Variants in TLN2 observed in about 807,000 individuals in gnomAD.
TLN2 encodes the protein talin-2.
A neutral mutation model predicts 294.7 loss-of-function variants in TLN2; 118 were observed. The ratio of observed to expected loss-of-function variants is 0.40; its 90% CI spans 0.34 to 0.47. The LOEUF is 0.47. Among genes scored for constraint, TLN2 ranks in the 20% least tolerant of loss-of-function variants. TLN2 has a pLI of 0.84. For missense variants in TLN2, 3,083 were observed against 3,282.2 expected (o/e 0.94, Z 1.48); for synonymous variants, 1,431 against 1,304.5 (o/e 1.10, Z -2.09).
chr15:62,625,290 A>T (rs1004387249), intron 3 of TLN2, among the ~76,000 whole-genome samples: 1 of 152,116 alleles, frequency 6.6e-6, no homozygotes, highest in Non-Finnish European at 1.5e-5. Flanking sequence ...CTTGGCCAAG[A>T]TGGAGTCATC....
chr15:62,620,298 G>A (rs2048683156), intron 3 of TLN2, among the ~76,000 whole-genome samples: 1 of 151,916 alleles, frequency 6.6e-6, no homozygotes, highest in African/African-American at 2.4e-5. Flanking sequence ...TCCTGTGTCT[G>A]GTGCACCTTT....
chr15:62,483,929 A>G (rs2038241576), intron 1 of TLN2, among the ~76,000 whole-genome samples: 1 of 152,234 alleles, frequency 6.6e-6, no homozygotes, highest in South Asian at 2.1e-4. Context: ...GCCTCCCAGC[A>G]GATAAAAGGG....
intron 1 of TLN2, among the ~76,000 whole-genome samples, chr15:62,433,846 A>G (rs2035147925): frequency 6.6e-6 from 1 of 151,436 alleles, no homozygotes; most frequent in African/African-American, 2.4e-5. Flanking sequence ...AAAATTAGCC[A>G]GGAGTGATGG....
At chr15:62,776,650 C>A (rs946603311) in intron 42 of TLN2, 114 bp from the exon 43 acceptor site, 2 of 1,011,112 alleles carry the variant, frequency 2.0e-6, no homozygotes, top group African/African-American at 1.7e-5. Flanking sequence ...TAGAATAGAT[C>A]GCTGTGCTCC....
At chr15:62,740,243 A>G (rs1435071205) in intron 31 of TLN2, among the ~76,000 whole-genome samples, 1 of 152,120 alleles carries the variant, frequency 6.6e-6, no homozygotes, top group Non-Finnish European at 1.5e-5. Context: ...CCAGGCCGAG[A>G]TGTACAGCTC....
intron 1 of TLN2, among the ~76,000 whole-genome samples, chr15:62,409,995 G>A (rs747553776): frequency 3.3e-5 from 5 of 152,326 alleles, no homozygotes; most frequent in African/African-American, 7.2e-5. Context: ...TGTGATCCCA[G>A]TACTTTGGGA....
At chr15:62,823,986 A>G (rs755866868) in intron 54 of TLN2, 2 of 531,288 alleles carry the variant, frequency 3.8e-6, no homozygotes, top group South Asian at 1.4e-5. Flanking sequence ...TGTTTGATAT[A>G]TTAGGTTGTT....
intron 1 of TLN2, among the ~76,000 whole-genome samples, chr15:62,532,612 C>CT (rs1005548587): frequency 3.9e-5 from 6 of 152,084 alleles, no homozygotes; most frequent in Non-Finnish European, 5.9e-5. Context: ...AGACCTTAAC[C>CT]TTTTTTTAGA....
At chr15:62,717,539 A>C (rs917111514) in intron 23 of TLN2, 37 bp from the exon 24 acceptor site, 4 of 1,416,370 alleles carry the variant, frequency 2.8e-6, no homozygotes, top group African/African-American at 2.8e-5. Context: ...TGTATATTGC[A>C]TATGCAGATC....
chr15:62,455,650 C>A (rs2036434040), intron 1 of TLN2, among the ~76,000 whole-genome samples: 1 of 152,204 alleles, frequency 6.6e-6, no homozygotes, highest in East Asian at 1.9e-4. Flanking sequence ...CTTTGGTGGC[C>A]AAATCTCACA....
intron 1 of TLN2, among the ~76,000 whole-genome samples, chr15:62,509,157 T>C (rs1043113300): frequency 1.3e-5 from 2 of 152,246 alleles, no homozygotes; most frequent in African/African-American, 4.8e-5. Context: ...ACCATTACCC[T>C]ATGCTTCCTG....
At chr15:62,491,963 G>C (rs1180520466) in intron 1 of TLN2, among the ~76,000 whole-genome samples, 1 of 152,122 alleles carries the variant, frequency 6.6e-6, no homozygotes, top group African/African-American at 2.4e-5. Context: ...TTGCGGCAGG[G>C]AGCAGGGAGT....
intron 1 of TLN2, among the ~76,000 whole-genome samples, chr15:62,582,195 T>TACACACACACAC (rs67748452): frequency 0.034 from 2,285 of 66,392 alleles, 151 homozygotes; most frequent in East Asian, 0.039. Flanking sequence ...TGTGTATGCA[T>TACACACACACAC]ACACACACAC....
intron 1 of TLN2, among the ~76,000 whole-genome samples, chr15:62,572,584 TTTCTA>T (rs1365455638): frequency 6.6e-6 from 1 of 152,192 alleles, no homozygotes; most frequent in Non-Finnish European, 1.5e-5. Flanking sequence ...CTGCCAAACT[TTTCTA>T]TGCCAGTATC....
intron 3 of TLN2, among the ~76,000 whole-genome samples, chr15:62,635,875 G>T (rs1181665814): frequency 6.6e-6 from 1 of 152,140 alleles, no homozygotes; most frequent in Non-Finnish European, 1.5e-5. Flanking sequence ...CACAAGCACT[G>T]TATCGATTTC....
intron 44 of TLN2, 26 bp from the exon 45 acceptor site, chr15:62,783,740 TGTGTG>T: frequency 6.4e-7 from 1 of 1,563,132 alleles, no homozygotes; most frequent in Non-Finnish European, 8.7e-7. Flanking sequence ...TGTGTGTGTG[TGTGTG>T]TGTCTTGCTT....
chr15:62,756,926 C>G (rs2062300363), intron 37 of TLN2, among the ~76,000 whole-genome samples: 1 of 152,056 alleles, frequency 6.6e-6, no homozygotes, highest in Non-Finnish European at 1.5e-5. Context: ...AACAAAAACC[C>G]CTCCCTATTT....
At chr15:62,597,353 G>A (rs1222365373) in intron 2 of TLN2, among the ~76,000 whole-genome samples, 1 of 152,126 alleles carries the variant, frequency 6.6e-6, no homozygotes, top group African/African-American at 2.4e-5. Context: ...TGTTCCCATC[G>A]GAACCTAGTT....
At position 62,398,968 on chromosome 15, in the gene TLN2, G is replaced by A. The variant is rs118097164; in HGVS notation, c.-238+8283G>A. Among the ~76,000 whole-genome samples, 81 of 152,232 alleles carry A rather than the reference G, an allele frequency of 5.3e-4. 1 individual carries two copies. The East Asian group carries it at 6.4e-3, about 12-fold the overall frequency. ...AGGCCTAGGAGGGAAAAATGGTTTC[G>A]TGGGCTGGGTCCAGGGCCCCCTGCT... On this transcript the variant is annotated intron_variant, in intron 1 of 58. Coordinates refer to ENST00000636159, the MANE Select transcript of TLN2 (RefSeq NM_015059.3).
Sources: allele counts gnomAD v4.1 joint callset (sites outside exome capture counted in the v4.1 genomes callset), GRCh38; gene constraint gnomAD v4.1.1; transcripts MANE v1.5; gene names NCBI Gene and HGNC (gene_info 2026-07-23, HGNC 2026-07-21).